The following LPIN2 variants were observed in gnomAD, a reference collection of about 807,000 sequenced individuals.
The protein encoded by LPIN2 is phosphatidate phosphatase LPIN2.
In LPIN2, 55 loss-of-function variants were observed where a neutral mutation model predicts 111.4. The ratio of observed to expected loss-of-function variants is 0.49; its 90% CI spans 0.40 to 0.62. LPIN2 has a LOEUF of 0.62. Among genes scored for constraint, LPIN2 ranks in the 20% least tolerant of loss-of-function variants. LPIN2 has a pLI of 0.00. For missense variants in LPIN2, 992 were observed against 1,112.1 expected (o/e 0.89, Z 1.54); for synonymous variants, 425 against 414.0 (o/e 1.03, Z -0.32).
intron 1 of LPIN2, among the ~76,000 whole-genome samples, chr18:3,005,960 T>C (rs1189699318): frequency 6.6e-6 from 1 of 152,180 alleles, no homozygotes; most frequent in Non-Finnish European, 1.5e-5. Context: ...GTCAGAGTCC[T>C]TGGGCAGTGG....
chr18:3,008,312 C>T (rs576406491), intron 1 of LPIN2, among the ~76,000 whole-genome samples: 15 of 152,300 alleles, frequency 9.8e-5, no homozygotes, highest in African/African-American at 3.4e-4. Flanking sequence ...CACGGTGGCA[C>T]CTCCCTGTGG....
At chr18:2,950,338 A>G (rs958877415) in intron 4 of LPIN2, 32 of 152,314 alleles carry the variant, frequency 2.1e-4, no homozygotes, top group African/African-American at 7.5e-4. Context: ...GTGAAAACAC[A>G]CAAGTGGACC....
At chr18:2,948,991 T>C (rs536671937) in intron 4 of LPIN2, among the ~76,000 whole-genome samples, 1 of 152,166 alleles carries the variant, frequency 6.6e-6, no homozygotes, top group South Asian at 2.1e-4. Context: ...TTAGTAGAGA[T>C]GGAGTTTCAC....
At position 2,939,576 on chromosome 18, in the gene LPIN2, C is replaced by T. The variant is rs1397964486; in HGVS notation, c.726G>A (p.Lys242=). The T allele has an allele frequency of 1.2e-6, 2 of 1,613,880 alleles. No individual in the cohort carries two copies. Among genetic ancestry groups the T allele is most frequent in the Admixed American group, 3.3e-5 (2 of 60,024 alleles). ...GTTTCACCTCCAGCTCTGAATCACT[C>T]TTAGGACACGCTGTCTGGGGATAGG... ...ETTYPQTACP[K]SDSELEVKPA... The change falls in exon 6 of 20, where the codon AAG becomes AAA. Residue 242 remains lysine (K), a synonymous_variant. Coordinates refer to ENST00000677752, the MANE Select transcript of LPIN2 (RefSeq NM_001375808.2).
intron 1 of LPIN2, among the ~76,000 whole-genome samples, chr18:3,004,067 C>T (rs189539701): frequency 7.9e-5 from 12 of 152,296 alleles, no homozygotes; most frequent in Admixed American, 7.2e-4. Flanking sequence ...TACCCTCAGG[C>T]TTACTAGGAT....
At chr18:2,949,530 T>G (rs1188788088) in intron 4 of LPIN2, among the ~76,000 whole-genome samples, 3 of 152,188 alleles carry the variant, frequency 2.0e-5, no homozygotes. Flanking sequence ...ATCAAAGTGT[T>G]ACATATTCAG....
In LPIN2 at chr18:2,940,744, C is replaced by T. The variant is rs376730432; in HGVS notation, c.591-32G>A. Reference sequence around the variant, plus strand: ...AGGAGAAACCAAAGAAAGGCAGGAACGATGACATTCTTGTCAGCTTTAAAA... The same window carrying T: ...AGGAGAAACCAAAGAAAGGCAGGAATGATGACATTCTTGTCAGCTTTAAAA... On this transcript the variant is annotated intron_variant, in intron 4 of 19. Coordinates refer to ENST00000677752, the MANE Select transcript of LPIN2 (RefSeq NM_001375808.2). The T allele has an allele frequency of 3.1e-5, 40 of 1,282,772 alleles. 1 individual carries two copies. Among genetic ancestry groups the T allele is most frequent in the South Asian group, 2.5e-4 (21 of 84,180 alleles). 79.5% of individuals were successfully genotyped at this position (1,282,772 alleles called of 1,614,324 possible).
chr18:2,948,659 T>G (rs1343465843), intron 4 of LPIN2, among the ~76,000 whole-genome samples: 1 of 152,170 alleles, frequency 6.6e-6, no homozygotes, highest in African/African-American at 2.4e-5. Context: ...AAAAATATTT[T>G]CAGGAACGAA....
intron 6 of LPIN2, 29 bp downstream of exon 6, chr18:2,939,451 A>G: frequency 6.2e-7 from 1 of 1,612,552 alleles, no homozygotes; most frequent in Non-Finnish European, 8.5e-7. Context: ...TCATTAACAC[A>G]CTTTCCACAG....
At chr18:2,948,456 G>C (rs1436902611) in intron 4 of LPIN2, 1 of 152,226 alleles carries the variant, frequency 6.6e-6, no homozygotes, top group African/African-American at 2.4e-5. Context: ...TTAGAATAAT[G>C]ATTCTTGTAC....
At chr18:2,945,013 C>A (rs1286544960) in intron 4 of LPIN2, among the ~76,000 whole-genome samples, 1 of 152,156 alleles carries the variant, frequency 6.6e-6, no homozygotes, top group Non-Finnish European at 1.5e-5. Flanking sequence ...CCTTTACTTA[C>A]TATACTACCT....
In LPIN2 at chr18:3,013,074, C is replaced by A. The variant is rs2078634348; in HGVS notation, c.-10+13G>T. 1 of 150,916 alleles carries A rather than the reference C, an allele frequency of 6.6e-6. No homozygotes were observed. Among genetic ancestry groups the A allele is most frequent in the Non-Finnish European group, 1.5e-5 (1 of 67,650 alleles). 9.3% of individuals were successfully genotyped at this position (150,916 alleles called of 1,614,324 possible). On this transcript the variant is annotated intron_variant, in intron 1 of 19. Coordinates refer to ENST00000677752, the MANE Select transcript of LPIN2 (RefSeq NM_001375808.2). Reference sequence around the variant, plus strand: ...AGGGACGCCTGCGAGGAGCCCGGCCCGCGCCCACTTACCCACAGGGGCTCC... The same window carrying A: ...AGGGACGCCTGCGAGGAGCCCGGCCAGCGCCCACTTACCCACAGGGGCTCC...
At chr18:2,958,173 A>AAAAC (rs2077650874) in intron 2 of LPIN2, among the ~76,000 whole-genome samples, 1 of 126,256 alleles carries the variant, frequency 7.9e-6, no homozygotes, top group African/African-American at 2.9e-5. Context: ...AAAAAAAAAA[A>AAAAC]CAGAAAAAAG....
intron 14 of LPIN2, 99 bp from the exon 15 acceptor site, chr18:2,924,645 G>A: frequency 2.3e-6 from 3 of 1,285,710 alleles, no homozygotes; most frequent in Non-Finnish European, 3.3e-6. Flanking sequence ...ATCCCAACAA[G>A]AGGCAGGATG....
At chr18:2,945,067 A>G (rs866242613) in intron 4 of LPIN2, among the ~76,000 whole-genome samples, 2 of 152,190 alleles carry the variant, frequency 1.3e-5, no homozygotes, top group African/African-American at 4.8e-5. Context: ...CACATAGAAA[A>G]AACTGCAGAG....
Position 2,924,353 on chromosome 18 carries a change from A to C in LPIN2, c.2087+45T>G, listed in dbSNP as rs767886545. ...ACCACACACTGCCTGCCCCTCCCTG[A>C]GCACGGGGCTGTTCCTTGCCACCCA... On this transcript the variant is annotated intron_variant, in intron 15 of 19. Transcript: ENST00000677752. 4 of 1,612,896 alleles carry C rather than the reference A, an allele frequency of 2.5e-6. No individual in the cohort carries two copies. The African/African-American group carries it at 5.3e-5, about 22-fold the overall frequency.
Position 2,926,723 on chromosome 18 carries a change from C to G in LPIN2, c.1793G>C (p.Arg598Thr). ...GCCGGGCAGAGGACAGGGCACCCAC[C>G]TGGCACCGGCCGGCTCCTTGGAGCT... ...PSSSKEPAGA[R>T]PAENDSSSDE... Residue 598 changes from arginine (R) to threonine (T), a missense_variant and splice_region_variant, in exon 13 of 20, where the codon AGG becomes ACG. Arg to Thr is a moderately conservative substitution (Grantham distance 71). Coordinates refer to ENST00000677752, the MANE Select transcript of LPIN2 (RefSeq NM_001375808.2). The G allele has an allele frequency of 6.2e-7, 1 of 1,612,144 alleles. No homozygotes were observed. Among genetic ancestry groups the G allele is most frequent in the South Asian group, 1.1e-5 (1 of 91,044 alleles).
intron 1 of LPIN2, among the ~76,000 whole-genome samples, chr18:2,997,707 A>G (rs1308182565): frequency 6.6e-6 from 1 of 152,220 alleles, no homozygotes; most frequent in Non-Finnish European, 1.5e-5. Context: ...TATAACTCAA[A>G]AAGAAACAAA....
At chr18:2,999,719 C>T (rs1207019898) in intron 1 of LPIN2, among the ~76,000 whole-genome samples, 2 of 152,010 alleles carry the variant, frequency 1.3e-5, no homozygotes, top group East Asian at 3.9e-4. Flanking sequence ...CCAAGGAACG[C>T]CAAAGGCTGC....
Sources: gnomAD v4.1 joint callset for allele counts (sites outside exome capture counted in the v4.1 genomes callset) on GRCh38, gnomAD v4.1.1 for gene constraint, MANE v1.5 for transcripts, NCBI Gene and HGNC (gene_info 2026-07-23, HGNC 2026-07-21) for gene names.